The following PARP8 variants were observed in gnomAD, a reference collection of about 807,000 sequenced individuals.
PARP8 encodes the protein protein mono-ADP-ribosyltransferase PARP8.
A neutral mutation model predicts 124.1 loss-of-function variants in PARP8; 51 were observed. The observed-to-expected ratio is 0.41, with a 90% CI of 0.33 to 0.52. The LOEUF (loss-of-function observed/expected upper bound fraction) is 0.52, where lower values mean the gene tolerates loss of function less well. Among genes scored for constraint, PARP8 ranks in the 20% least tolerant of loss-of-function variants. PARP8 has a pLI of 0.21. For missense variants in PARP8, 860 were observed against 1,018.9 expected (o/e 0.84, Z 2.12); for synonymous variants, 391 against 361.5 (o/e 1.08, Z -0.93).
chr5:50,799,495 G>A (rs961773022), intron 14 of PARP8, among the ~76,000 whole-genome samples: 14 of 152,186 alleles, frequency 9.2e-5, no homozygotes, highest in African/African-American at 3.4e-4. Context: ...GAAATCAAGA[G>A]GCAGAAATCC....
intron 2 of PARP8, among the ~76,000 whole-genome samples, chr5:50,712,485 A>G (rs1754867208): frequency 6.6e-6 from 1 of 152,176 alleles, no homozygotes; most frequent in Non-Finnish European, 1.5e-5. Flanking sequence ...ACATTTTATT[A>G]TAAGAAATGT....
chr5:50,749,106 G>A (rs1408390116), intron 2 of PARP8, among the ~76,000 whole-genome samples: 1 of 152,024 alleles, frequency 6.6e-6, no homozygotes, highest in East Asian at 1.9e-4. Flanking sequence ...CCAACACTTG[G>A]ATCTTCTTTT....
intron 7 of PARP8, among the ~76,000 whole-genome samples, 193 bp downstream of exon 7, chr5:50,763,435 C>T (rs1760759332): frequency 6.6e-6 from 1 of 152,080 alleles, no homozygotes; most frequent in Admixed American, 6.5e-5. Flanking sequence ...TTTAAGATTA[C>T]ATTGATTGCA....
chr5:50,718,947 G>A (rs1340369706), intron 2 of PARP8, among the ~76,000 whole-genome samples: 1 of 151,884 alleles, frequency 6.6e-6, no homozygotes, highest in Admixed American at 6.6e-5. Flanking sequence ...CCAGGGGTCC[G>A]CTTTCTCTGC....
chr5:50,820,301 T>C (rs1745610197), intron 15 of PARP8, among the ~76,000 whole-genome samples: 1 of 152,228 alleles, frequency 6.6e-6, no homozygotes, highest in Admixed American at 6.5e-5. Context: ...TAGAAATAGC[T>C]TTCCCTATAA....
intron 6 of PARP8, among the ~76,000 whole-genome samples, chr5:50,762,481 G>A (rs1760647466): frequency 6.6e-6 from 1 of 152,092 alleles, no homozygotes; most frequent in Non-Finnish European, 1.5e-5. Flanking sequence ...ATTGATTTTA[G>A]GGTGTGGCTG....
intron 14 of PARP8, among the ~76,000 whole-genome samples, chr5:50,804,326 T>G (rs1276498517): frequency 6.6e-6 from 1 of 152,192 alleles, no homozygotes; most frequent in Non-Finnish European, 1.5e-5. Flanking sequence ...GACAGCTATT[T>G]GTGAATCAGT....
chr5:50,730,092 G>T (rs1237743533), intron 2 of PARP8, among the ~76,000 whole-genome samples: 2 of 152,172 alleles, frequency 1.3e-5, no homozygotes, highest in Non-Finnish European at 2.9e-5. Flanking sequence ...ACCTTGTATA[G>T]TTCCTCTTCT....
rs377745913 is a variant in PARP8 at position 50,786,814 on chromosome 5, G to A, written c.671-1709G>A. Among the ~76,000 whole-genome samples, 50 of 152,196 alleles carry A rather than the reference G, an allele frequency of 3.3e-4. 2 individuals carry two copies. In the South Asian group the frequency reaches 9.7e-3, roughly 30 times the overall value. On this transcript the variant is annotated intron_variant, in intron 9 of 25. Transcript: ENST00000281631. ...TCTCCTCCACCTACATAGACTTACT[G>A]AGTGGTTTCTCATTCAGCCTCATGC...
chr5:50,755,974 TCTCTGTTTGTC>T (rs897847805), intron 3 of PARP8, among the ~76,000 whole-genome samples: 16 of 152,268 alleles, frequency 1.1e-4, no homozygotes, highest in African/African-American at 3.8e-4. Flanking sequence ...ATGATTTGGC[TCTCTGTTTGTC>T]TGTTATTGGT....
rs1450803984 is a variant in PARP8 at position 50,805,701 on chromosome 5, T to C, written c.1575+8468T>C. 3.5e-4 allele frequency among the ~76,000 whole-genome samples: 53 copies of C among 152,132 alleles called. 2 individuals carry two copies. Among genetic ancestry groups the C allele is most frequent in the Admixed American group, 3.5e-3 (53 of 15,250 alleles). On this transcript the variant is annotated intron_variant, in intron 14 of 25. Transcript: ENST00000281631. ...TTTTTGTATTTCAAGATTTATACTT[T>C]TAAAAAACATGTCTTGTAGCCATTT...
intron 3 of PARP8, chr5:50,757,276 A>G: frequency 2.5e-6 from 1 of 405,756 alleles, no homozygotes; most frequent in South Asian, 1.8e-5. Flanking sequence ...ATAAAAAAAA[A>G]CAGGCCAATA....
intron 3 of PARP8, among the ~76,000 whole-genome samples, chr5:50,756,907 G>T (rs1760022078): frequency 6.6e-6 from 1 of 152,170 alleles, no homozygotes; most frequent in Non-Finnish European, 1.5e-5. Flanking sequence ...GTATAGAAGT[G>T]AAATCATGCA....
intron 14 of PARP8, among the ~76,000 whole-genome samples, chr5:50,798,168 T>C (rs779629291): frequency 6.6e-6 from 1 of 152,186 alleles, no homozygotes; most frequent in Admixed American, 6.5e-5. Flanking sequence ...CAGAATAATA[T>C]ACATTTTATG....
At chr5:50,736,967 T>A (rs958147868) in intron 2 of PARP8, among the ~76,000 whole-genome samples, 1 of 152,202 alleles carries the variant, frequency 6.6e-6, no homozygotes, top group Non-Finnish European at 1.5e-5. Flanking sequence ...GAAATTTTCA[T>A]AAGAAAGATG....
At chr5:50,754,279 C>G (rs1376739105) in intron 3 of PARP8, among the ~76,000 whole-genome samples, 2 of 151,078 alleles carry the variant, frequency 1.3e-5, no homozygotes, top group Admixed American at 1.3e-4. Context: ...GTGTGCTGCA[C>G]CCATTAACTC....
At chr5:50,830,319 T>C (rs537695056) in intron 22 of PARP8, among the ~76,000 whole-genome samples, 1 of 152,278 alleles carries the variant, frequency 6.6e-6, no homozygotes, top group South Asian at 2.1e-4. Flanking sequence ...TAATTTCTTA[T>C]CTTTGTAATA....
chr5:50,701,598 A>G (rs1351275725), intron 2 of PARP8, among the ~76,000 whole-genome samples: 1 of 152,144 alleles, frequency 6.6e-6, no homozygotes, highest in Non-Finnish European at 1.5e-5. Context: ...GACTTTGACT[A>G]ATAAGATTGG....
At chr5:50,841,869 C>G in intron 25 of PARP8, 97 bp from the exon 26 acceptor site, 1 of 800,234 alleles carries the variant, frequency 1.2e-6, no homozygotes, top group Non-Finnish European at 2.0e-6. Flanking sequence ...TTTTGATTCT[C>G]TTGGGCTATA....
Sources: allele counts gnomAD v4.1 joint callset (sites outside exome capture counted in the v4.1 genomes callset), GRCh38; gene constraint gnomAD v4.1.1; transcripts MANE v1.5; gene names NCBI Gene and HGNC (gene_info 2026-07-23, HGNC 2026-07-21).